ST6GALNAC3: variants seen among roughly 807,000 people sequenced by gnomAD.
The protein encoded by ST6GALNAC3 is alpha-N-acetylgalactosaminide alpha-2,6-sialyltransferase 3.
Under a neutral mutation model 32.7 loss-of-function variants are expected in ST6GALNAC3, and 25 were observed. The ratio of observed to expected loss-of-function variants is 0.76; its 90% CI spans 0.56 to 1.07. The LOEUF (loss-of-function observed/expected upper bound fraction) is 1.07, where lower values mean the gene tolerates loss of function less well. Among genes scored for constraint, ST6GALNAC3 ranks in the 50% least tolerant of loss-of-function variants. The pLI is 0.00. For synonymous variants in ST6GALNAC3, 129 were observed against 133.1 expected (o/e 0.97, Z 0.21); for missense variants, 355 against 382.4 (o/e 0.93, Z 0.60).
At chr1:76,306,027 T>G in intron 1 of ST6GALNAC3, 1 of 434,452 alleles carries the variant, frequency 2.3e-6, no homozygotes, top group Non-Finnish European at 4.6e-6. Flanking sequence ...CAGCCTTAGG[T>G]AGATTTTGTA....
chr1:76,081,191 G>A (rs954449151), intron 1 of ST6GALNAC3, among the ~76,000 whole-genome samples: 5 of 151,838 alleles, frequency 3.3e-5, no homozygotes, highest in African/African-American at 1.2e-4. Context: ...GTAAAGCAGG[G>A]GTGTTCAAAC....
intron 3 of ST6GALNAC3, among the ~76,000 whole-genome samples, chr1:76,543,562 C>T (rs2100304278): frequency 6.6e-6 from 1 of 152,312 alleles, no homozygotes; most frequent in South Asian, 2.1e-4. Context: ...CGTGTTTCTT[C>T]ATTACTTTTC....
chr1:76,568,103 T>C (rs315013), intron 3 of ST6GALNAC3, among the ~76,000 whole-genome samples: 32,901 of 152,126 alleles, frequency 0.22, 5,063 homozygotes, highest in African/African-American at 0.43. Flanking sequence ...GCAGAATGCC[T>C]GGTTAACTCA....
At chr1:76,560,963 A>G (rs962883715) in intron 3 of ST6GALNAC3, among the ~76,000 whole-genome samples, 4 of 152,226 alleles carry the variant, frequency 2.6e-5, no homozygotes, top group Non-Finnish European at 5.9e-5. Context: ...CCATCAATAG[A>G]TGAATGGATA....
Position 76,629,630 on chromosome 1 carries a change from G to A in ST6GALNAC3, c.*824G>A. The stretch of plus-strand genomic sequence containing the variant: ...CATGTAAGATACCAACTTCAACACT[G>A]TAATAACATATACTGTGAAAACATT... On this transcript the variant is annotated 3_prime_UTR_variant, in exon 5 of 5. Coordinates refer to ENST00000328299, the MANE Select transcript of ST6GALNAC3 (RefSeq NM_152996.4). The A allele has an allele frequency of 1.7e-5, 17 of 985,100 alleles. No individual in the cohort carries two copies. The highest frequency in any genetic ancestry group is 2.0e-5 in the Non-Finnish European group (17 of 829,392). 61.0% of individuals were successfully genotyped at this position (985,100 alleles called of 1,614,324 possible). A position where few individuals can be genotyped will look rare whatever the true frequency, so the allele number is the denominator to read the frequency against.
At chr1:76,375,940 T>C (rs748230614) in intron 2 of ST6GALNAC3, among the ~76,000 whole-genome samples, 3 of 152,150 alleles carry the variant, frequency 2.0e-5, no homozygotes, top group Non-Finnish European at 4.4e-5. Flanking sequence ...TGTGAGTGCA[T>C]TCATGCATAT....
In ST6GALNAC3 at chr1:76,595,196, C is replaced by G. The variant is rs1044913026; in HGVS notation, c.624-32256C>G. Among the ~76,000 whole-genome samples, 8 of 151,998 alleles carry G rather than the reference C, an allele frequency of 5.3e-5. No homozygotes were observed. In the East Asian group the frequency reaches 1.2e-3, roughly 22 times the overall value. On this transcript the variant is annotated intron_variant, in intron 3 of 4. Transcript: ENST00000328299. ...CTTTTGTTTAGTACAGACATAATGC[C>G]GAAAGCCTGAAGCCAACACAATCTG...
chr1:76,209,694 T>G (rs1488879767), intron 1 of ST6GALNAC3, among the ~76,000 whole-genome samples: 1 of 152,180 alleles, frequency 6.6e-6, no homozygotes, highest in Non-Finnish European at 1.5e-5. Flanking sequence ...TAAAAGTTAT[T>G]AAAGAACCAA....
intron 2 of ST6GALNAC3, among the ~76,000 whole-genome samples, chr1:76,358,443 G>C (rs1557819943): frequency 1.3e-5 from 2 of 152,136 alleles, no homozygotes; most frequent in Non-Finnish European, 2.9e-5. Context: ...ACCCTTGACA[G>C]CTTCTTCTCC....
intron 1 of ST6GALNAC3, among the ~76,000 whole-genome samples, chr1:76,213,787 A>T (rs72675922): frequency 0.014 from 2,158 of 152,298 alleles, 29 homozygotes; most frequent in Non-Finnish European, 0.023. Context: ...AGATGAAGTC[A>T]TCTACCTCTC....
At chr1:76,181,108 T>TC (rs1428540399) in intron 1 of ST6GALNAC3, among the ~76,000 whole-genome samples, 1 of 152,198 alleles carries the variant, frequency 6.6e-6, no homozygotes, top group Non-Finnish European at 1.5e-5. Flanking sequence ...CCCCTGCACC[T>TC]GTCCGTCTGC....
At position 76,472,005 on chromosome 1, in the gene ST6GALNAC3, C is replaced by A. The variant is rs773274838; in HGVS notation, c.623+59588C>A. Among the ~76,000 whole-genome samples the A allele has an allele frequency of 2.0e-5, 3 of 151,986 alleles. No individual in the cohort carries two copies. In the East Asian group the frequency reaches 5.8e-4, roughly 29 times the overall value. On this transcript the variant is annotated intron_variant, in intron 3 of 4. Coordinates refer to ENST00000328299, the MANE Select transcript of ST6GALNAC3 (RefSeq NM_152996.4). ...CTGGCCCATGGTCTGTGCAGGTGTT[C>A]ATGAGTTAAAGCATTCAATGGCCCT...
At chr1:76,514,068 T>C (rs943829253) in intron 3 of ST6GALNAC3, among the ~76,000 whole-genome samples, 6 of 152,178 alleles carry the variant, frequency 3.9e-5, no homozygotes, top group Admixed American at 6.5e-5. Flanking sequence ...GTGGAATCTT[T>C]AGGGTTTTCT....
chr1:76,374,538 A>G (rs1274970768), intron 2 of ST6GALNAC3, among the ~76,000 whole-genome samples: 1 of 152,234 alleles, frequency 6.6e-6, no homozygotes, highest in African/African-American at 2.4e-5. Flanking sequence ...GACATCTGAC[A>G]TGTCTAATGA....
chr1:76,199,165 T>C (rs1316714133), intron 1 of ST6GALNAC3, among the ~76,000 whole-genome samples: 2 of 152,178 alleles, frequency 1.3e-5, no homozygotes, highest in Non-Finnish European at 2.9e-5. Flanking sequence ...AACGATTGGA[T>C]CCTCCAAGAC....
At chr1:76,240,028 G>A (rs1316629001) in intron 1 of ST6GALNAC3, among the ~76,000 whole-genome samples, 1 of 152,190 alleles carries the variant, frequency 6.6e-6, no homozygotes, top group African/African-American at 2.4e-5. Context: ...TGGAAAAGGA[G>A]TATGCACTTT....
intron 1 of ST6GALNAC3, chr1:76,142,752 G>C (rs1039171043): frequency 2.4e-6 from 1 of 419,144 alleles, no homozygotes; most frequent in Non-Finnish European, 4.7e-6. Context: ...GCGTCCAGCT[G>C]TGGTTATCTG....
At chr1:76,127,278 C>T (rs1269582485) in intron 1 of ST6GALNAC3, among the ~76,000 whole-genome samples, 1 of 152,116 alleles carries the variant, frequency 6.6e-6, no homozygotes, top group Non-Finnish European at 1.5e-5. Context: ...TGAAAAGCCA[C>T]CCAGGGCCCC....
chr1:76,106,510 T>C (rs1462133666), intron 1 of ST6GALNAC3, among the ~76,000 whole-genome samples: 1 of 152,224 alleles, frequency 6.6e-6, no homozygotes, highest in Admixed American at 6.5e-5. Context: ...CTGTGCCTTG[T>C]GCTTGGGATA....
Sources: allele counts gnomAD v4.1 joint callset (sites outside exome capture counted in the v4.1 genomes callset), GRCh38; gene constraint gnomAD v4.1.1; transcripts MANE v1.5; gene names NCBI Gene and HGNC (gene_info 2026-07-23, HGNC 2026-07-21).